Variants in HABP4 observed in about 807,000 individuals in gnomAD.
HABP4 encodes the protein hyaluronan binding protein 4.
Under a neutral mutation model 44.1 loss-of-function variants are expected in HABP4, and 32 were observed. The ratio of observed to expected loss-of-function variants is 0.73; its 90% CI spans 0.55 to 0.97. HABP4 has a LOEUF of 0.97. Ranked by LOEUF, HABP4 falls within the 50% of genes least tolerant of loss-of-function variation. The pLI is 0.00. For synonymous variants in HABP4, 216 were observed against 218.0 expected, an observed-to-expected ratio of 0.99 and a Z score of 0.08; for missense variants, 503 against 561.9, an observed-to-expected ratio of 0.90 and a Z score of 1.06.
chr9:96,488,033 T>C lies in HABP4; in HGVS notation c.1000-56T>C, dbSNP rs1833005320. ...AGCACACTGCAGCCACTAAGCCAGA[T>C]GAGTGTGGGGATGGCTGTGGACTTG... On this transcript the variant is annotated intron_variant, in intron 6 of 7. Coordinates refer to ENST00000375249, the MANE Select transcript of HABP4 (RefSeq NM_014282.4). This position sits in a 1 kb window ranked among gnomAD's most constrained non-coding sequence, Gnocchi z 4.6. 1 of 1,223,484 alleles carries C rather than the reference T, an allele frequency of 8.2e-7. No homozygotes were observed. The highest frequency in any genetic ancestry group is 1.2e-6 in the Non-Finnish European group (1 of 833,226). The allele number at this position is 1,223,484 out of a possible 1,614,324, so 75.8% of individuals were successfully genotyped here. A position where few individuals can be genotyped will look rare whatever the true frequency, so the allele number is the denominator to read the frequency against.
Position 96,450,474 on chromosome 9 carries a change from CGGGGCCGGTCCCCGCGGCGGCA to C in HABP4, c.198_219del (p.Gly68GlnfsTer108), listed in dbSNP as rs1256303657. On this transcript the variant is annotated frameshift_variant, in exon 1 of 8. Coordinates refer to ENST00000375249, the MANE Select transcript of HABP4 (RefSeq NM_014282.4). LOFTEE classifies it high-confidence loss of function. The surrounding 1 kb of genome is among the most constrained non-coding windows in gnomAD (Gnocchi z 4.8). ...GGCGCGACGAGGCGGCGGCGGCGGC[CGGGGCCGGTCCCCGCGGCGGCA>C]GGAGCCCAGCCGGGGCCTCGGGCCA... 6.6e-6 allele frequency: 8 copies of C among 1,214,700 alleles called. No individual in the cohort carries two copies. The highest frequency in any genetic ancestry group is 4.0e-5 in the South Asian group (1 of 25,186). The allele number at this position is 1,214,700 out of a possible 1,614,324, so 75.2% of individuals were successfully genotyped here. A position where few individuals can be genotyped will look rare whatever the true frequency, so the allele number is the denominator to read the frequency against.
chr9:96,454,575 C>T (rs1832340906), intron 1 of HABP4, among the ~76,000 whole-genome samples: 1 of 151,864 alleles, frequency 6.6e-6, no homozygotes, highest in East Asian at 1.9e-4. Flanking sequence ...TCAGCCTCCC[C>T]AGTAGCTGGG....
chr9:96,460,842 T>A (rs1832489211), intron 2 of HABP4, among the ~76,000 whole-genome samples: 1 of 152,220 alleles, frequency 6.6e-6, no homozygotes, highest in South Asian at 2.1e-4. Flanking sequence ...TTCAGGGAAA[T>A]CTGAATCTTG....
intron 2 of HABP4, among the ~76,000 whole-genome samples, chr9:96,460,895 A>G (rs949769074): frequency 3.3e-5 from 5 of 152,248 alleles, no homozygotes; most frequent in East Asian, 1.9e-4. Context: ...AATACCCTCA[A>G]TAAATAATAC....
chr9:96,456,901 AG>A (rs1832404212), intron 1 of HABP4, among the ~76,000 whole-genome samples: 1 of 148,678 alleles, frequency 6.7e-6, no homozygotes, highest in African/African-American at 2.5e-5. Flanking sequence ...AAGCCACTAT[AG>A]TAAATATTGC....
intron 5 of HABP4, among the ~76,000 whole-genome samples, chr9:96,473,819 T>C (rs550634957): frequency 1.3e-5 from 2 of 152,352 alleles, no homozygotes; most frequent in Non-Finnish European, 2.9e-5. Context: ...CGCCTATCTG[T>C]CTCTTACTCA....
chr9:96,480,138 G>A (rs975053262), intron 5 of HABP4, among the ~76,000 whole-genome samples: 4 of 152,088 alleles, frequency 2.6e-5, no homozygotes, highest in South Asian at 4.1e-4. Context: ...TCATACCACC[G>A]CACTCCAGCC....
intron 7 of HABP4, 50 bp from the exon 8 acceptor site, chr9:96,489,932 G>A: frequency 8.9e-7 from 1 of 1,127,694 alleles, no homozygotes; most frequent in Non-Finnish European, 1.4e-6. Context: ...TGGGATATCG[G>A]GAATGGATGA....
intron 4 of HABP4, among the ~76,000 whole-genome samples, chr9:96,469,684 A>G (rs984446281): frequency 6.6e-6 from 1 of 151,878 alleles, no homozygotes; most frequent in Admixed American, 6.6e-5. Context: ...CACCACGCCC[A>G]CCTAATTTTT....
chr9:96,486,843 C>G (rs1186814301), intron 6 of HABP4, among the ~76,000 whole-genome samples: 1 of 151,988 alleles, frequency 6.6e-6, no homozygotes, highest in Admixed American at 6.6e-5. Context: ...GCAAGTGGAG[C>G]CCAAGCCTTA....
At chr9:96,466,472 G>C (rs1348536316) in intron 4 of HABP4, among the ~76,000 whole-genome samples, 1 of 152,186 alleles carries the variant, frequency 6.6e-6, no homozygotes, top group African/African-American at 2.4e-5. Context: ...CTGGGCTCAG[G>C]CAGTCCTCTT....
rs1833013434 is a variant in HABP4 at position 96,488,368 on chromosome 9, G to A, written c.1185+94G>A. 3 of 770,524 alleles carry A rather than the reference G, an allele frequency of 3.9e-6. No homozygotes were observed. Among genetic ancestry groups the A allele is most frequent in the Non-Finnish European group, 6.2e-6 (3 of 485,294 alleles). The allele number at this position is 770,524 out of a possible 1,614,324, so 47.7% of individuals were successfully genotyped here. On this transcript the variant is annotated intron_variant, in intron 7 of 7. Transcript: ENST00000375249. This position sits in a 1 kb window ranked among gnomAD's most constrained non-coding sequence, Gnocchi z 4.6. Reference sequence around the variant, plus strand: ...TAATTTCAGAGGGTCATGAGTTTCTGCAGTCACTTCTTTCTGTAGCTAGTG... The same window carrying A: ...TAATTTCAGAGGGTCATGAGTTTCTACAGTCACTTCTTTCTGTAGCTAGTG...
intron 1 of HABP4, among the ~76,000 whole-genome samples, chr9:96,452,911 G>GT (rs71368266): frequency 0.088 from 5,546 of 63,194 alleles, 707 homozygotes; most frequent in Non-Finnish European, 0.1. Flanking sequence ...ATGGAAAAGG[G>GT]TTTTTTTTTT....
intron 4 of HABP4, among the ~76,000 whole-genome samples, chr9:96,468,824 G>C (rs79217072): frequency 0.024 from 3,686 of 152,312 alleles, 155 homozygotes; most frequent in African/African-American, 0.085. Flanking sequence ...TATAAAGTGA[G>C]TAAGAAATTT....
rs765883847 is a variant in HABP4 at position 96,458,463 on chromosome 9, G to A, written c.434G>A (p.Arg145Gln). 1.4e-5 allele frequency: 22 copies of A among 1,613,172 alleles called. No homozygotes were observed. The highest frequency in any genetic ancestry group is 8.3e-5 in the Admixed American group (5 of 59,982). ...GPEGMLERAERRSYREYRPYE... is the reference protein window; with the variant it reads ...GPEGMLERAEQRSYREYRPYE... ...GAGGGGATGCTCGAAAGAGCTGAGC[G>A]GAGATCCTACAGGGAATACCGACCC... is the stretch of plus-strand genomic sequence containing the variant. Residue 145 changes from arginine (R) to glutamine (Q), a missense_variant, in exon 2 of 8, where the codon CGG (arginine) becomes CAG (glutamine). Arg to Gln is a conservative substitution (Grantham distance 43, BLOSUM62 1). Transcript: ENST00000375249.
In HABP4 at chr9:96,458,455, A is replaced by C; in HGVS notation, c.426A>C (p.Arg142Ser). Residue 142 changes from arginine to serine, a missense_variant, in exon 2 of 8, where the codon AGA becomes AGC. Around this residue, in one of 3 missense-constraint regions of HABP4, gnomAD observed 290 missense variants for 300.5 expected, o/e 0.97. Transcript: ENST00000375249. ...GTGGGCCGGAGGGGATGCTCGAAAG[A>C]GCTGAGCGGAGATCCTACAGGGAAT... is the stretch of plus-strand genomic sequence containing the variant. ...DSRGPEGMLE[R>S]AERRSYREYR... 6.2e-7 allele frequency: 1 copy of C among 1,613,508 alleles called. No homozygotes were observed. The highest frequency in any genetic ancestry group is 8.5e-7 in the Non-Finnish European group (1 of 1,179,440).
At chr9:96,457,567 C>G (rs748971320) in intron 1 of HABP4, among the ~76,000 whole-genome samples, 2 of 152,190 alleles carry the variant, frequency 1.3e-5, no homozygotes, top group Non-Finnish European at 2.9e-5. Context: ...GCACTACAAA[C>G]TTTAAAAACA....
chr9:96,467,436 GATAAT>G (rs1167619117), intron 4 of HABP4, among the ~76,000 whole-genome samples: 3 of 150,684 alleles, frequency 2.0e-5, no homozygotes, highest in African/African-American at 7.3e-5. Flanking sequence ...ATTTTACTTT[GATAAT>G]ATATTTTAAA....
At chr9:96,473,039 T>G (rs1455147252) in intron 5 of HABP4, among the ~76,000 whole-genome samples, 3 of 152,256 alleles carry the variant, frequency 2.0e-5, no homozygotes, top group Admixed American at 6.5e-5. Context: ...TCGGGTCTTT[T>G]AAAATGTTAA....
Sources: gnomAD v4.1 joint callset for allele counts (sites outside exome capture counted in the v4.1 genomes callset) on GRCh38, gnomAD v4.1.1 for gene constraint, gnomAD v4.1.1 regional missense constraint, Gnocchi (gnomAD v3.1) non-coding constraint, MANE v1.5 for transcripts, NCBI Gene and HGNC (gene_info 2026-07-23, HGNC 2026-07-21) for gene names.